UNC5C: variants seen among roughly 807,000 people sequenced by gnomAD.
The protein encoded by UNC5C is netrin receptor UNC5C.
A neutral mutation model predicts 99.8 loss-of-function variants in UNC5C; 47 were observed. That is an observed-to-expected ratio of 0.47 (90% CI 0.37 to 0.60). UNC5C has a LOEUF of 0.60. Among genes scored for constraint, UNC5C ranks in the 20% least tolerant of loss-of-function variants. UNC5C has a pLI of 0.00. For synonymous variants in UNC5C, 487 were observed against 452.2 expected (o/e 1.08, Z -0.98); for missense variants, 1,062 against 1,165.9 (o/e 0.91, Z 1.30).
At chr4:95,469,838 G>A (rs116061037) in intron 1 of UNC5C, among the ~76,000 whole-genome samples, 2,064 of 152,200 alleles carry the variant, frequency 0.014, 58 homozygotes, top group African/African-American at 0.047. Flanking sequence ...CACTTTTACC[G>A]TGGTACACAA....
At chr4:95,197,903 A>G (rs1737494736) in intron 12 of UNC5C, among the ~76,000 whole-genome samples, 1 of 150,094 alleles carries the variant, frequency 6.7e-6, no homozygotes, top group African/African-American at 2.4e-5. Flanking sequence ...TGTGGAAGCG[A>G]GTTTGCTGCC....
chr4:95,251,648 C>G (rs1415443063), intron 4 of UNC5C, among the ~76,000 whole-genome samples: 1 of 152,178 alleles, frequency 6.6e-6, no homozygotes, highest in Non-Finnish European at 1.5e-5. Context: ...CACTTAAACT[C>G]TCCTTTTGCA....
chr4:95,507,879 T>C (rs1721967787), intron 1 of UNC5C, among the ~76,000 whole-genome samples: 1 of 152,052 alleles, frequency 6.6e-6, no homozygotes. Flanking sequence ...CTAAAACGCA[T>C]ACAGGGAACT....
At chr4:95,245,698 TTTGAG>T (rs1160958229) in intron 5 of UNC5C, among the ~76,000 whole-genome samples, 2 of 152,236 alleles carry the variant, frequency 1.3e-5, no homozygotes, top group Non-Finnish European at 1.5e-5. Context: ...TGACTGGCTA[TTTGAG>T]TTACTTGGCG....
intron 12 of UNC5C, among the ~76,000 whole-genome samples, chr4:95,187,133 T>TA (rs1736863908): frequency 6.6e-6 from 1 of 152,186 alleles, no homozygotes; most frequent in South Asian, 2.1e-4. Context: ...GTTAGCATAA[T>TA]AGAGAAAGCT....
chr4:95,400,528 G>T (rs2149448265), intron 1 of UNC5C, among the ~76,000 whole-genome samples: 1 of 151,796 alleles, frequency 6.6e-6, no homozygotes, highest in Non-Finnish European at 1.5e-5. Context: ...GAGTAGCTGG[G>T]ACTACAGGTG....
intron 3 of UNC5C, among the ~76,000 whole-genome samples, chr4:95,290,145 A>T (rs1282185770): frequency 6.6e-6 from 1 of 151,986 alleles, no homozygotes; most frequent in African/African-American, 2.4e-5. Flanking sequence ...ATCTCTACAA[A>T]AAATAGAAAA....
At chr4:95,423,352 G>C (rs916509347) in intron 1 of UNC5C, among the ~76,000 whole-genome samples, 7 of 152,168 alleles carry the variant, frequency 4.6e-5, no homozygotes, top group African/African-American at 1.7e-4. Context: ...CCCACTGGCT[G>C]TTTCTGTATG....
chr4:95,480,130 T>C (rs1397095061), intron 1 of UNC5C, among the ~76,000 whole-genome samples: 1 of 151,516 alleles, frequency 6.6e-6, no homozygotes, highest in Non-Finnish European at 1.5e-5. Flanking sequence ...TTGGGACTTC[T>C]CAGTCTCTAT....
intron 1 of UNC5C, among the ~76,000 whole-genome samples, chr4:95,337,461 T>C (rs185551042): frequency 2.6e-5 from 4 of 152,066 alleles, no homozygotes; most frequent in African/African-American, 9.6e-5. Context: ...GCACTAAAAA[T>C]TGATTACTCT....
intron 1 of UNC5C, among the ~76,000 whole-genome samples, chr4:95,436,840 T>C (rs77663767): frequency 0.04 from 6,154 of 151,964 alleles, 408 homozygotes; most frequent in African/African-American, 0.14. Context: ...TAATGATCTT[T>C]AATGGAATTT....
chr4:95,302,268 G>A (rs918740814), intron 2 of UNC5C, among the ~76,000 whole-genome samples: 1 of 152,132 alleles, frequency 6.6e-6, no homozygotes, highest in African/African-American at 2.4e-5. Flanking sequence ...CAAGCTTCTG[G>A]TATCGTATCC....
In UNC5C at chr4:95,354,479, A is replaced by ATATATATATATATATATTTTT; in HGVS notation, c.125-18849_125-18848insAAAAATATATATATATATATA. ...TTACCTAACTCTTCCATATATATAT[A>ATATATATATATATATATTTTT]TTTTTTTTTTTTTTTTAAGAGACAG... On this transcript the variant is annotated intron_variant, in intron 1 of 15. Transcript: ENST00000453304. 2.5e-3 allele frequency among the ~76,000 whole-genome samples: 272 copies of ATATATATATATATATATTTTT among 110,264 alleles called. 1 individual carries two copies. Among genetic ancestry groups the ATATATATATATATATATTTTT allele is most frequent in the African/African-American group, 7.7e-3 (189 of 24,692 alleles). The allele number at this position is 110,264 out of a possible 152,430, so 72.3% of individuals were successfully genotyped here. A position where few individuals can be genotyped will look rare whatever the true frequency, so the allele number is the denominator to read the frequency against.
At chr4:95,542,056 G>A (rs567351971) in intron 1 of UNC5C, among the ~76,000 whole-genome samples, 1 of 152,140 alleles carries the variant, frequency 6.6e-6, no homozygotes, top group Non-Finnish European at 1.5e-5. Context: ...ACTAGCCACA[G>A]GATCCACATG....
intron 4 of UNC5C, among the ~76,000 whole-genome samples, chr4:95,273,206 T>G (rs920041341): frequency 6.6e-6 from 1 of 152,220 alleles, no homozygotes; most frequent in Non-Finnish European, 1.5e-5. Flanking sequence ...AGTTGAACAT[T>G]GTGCCCTGTT....
intron 7 of UNC5C, among the ~76,000 whole-genome samples, chr4:95,235,259 G>A (rs193153456): frequency 3.1e-4 from 47 of 152,268 alleles, no homozygotes; most frequent in Non-Finnish European, 5.9e-5. Context: ...TTTAAAAAAT[G>A]TCATTTATTA....
chr4:95,218,225 C>T (rs560019131), intron 9 of UNC5C, among the ~76,000 whole-genome samples: 8 of 152,284 alleles, frequency 5.3e-5, no homozygotes, highest in African/African-American at 1.9e-4. Context: ...GCCATTAACC[C>T]TTTTATGACC....
chr4:95,356,209 A>C (rs868426131), intron 1 of UNC5C, among the ~76,000 whole-genome samples: 1,243 of 106,792 alleles, frequency 0.012, 28 homozygotes, highest in South Asian at 0.033. Flanking sequence ...AAAAAAAAAA[A>C]AAACAAAACA....
rs1476611243 is a variant in UNC5C, at chr4:95,219,201, C to T, written c.1413G>A (p.Leu471=). 4 of 1,613,972 alleles carry T rather than the reference C, an allele frequency of 2.5e-6. No homozygotes were observed. Among genetic ancestry groups the T allele is most frequent in the Non-Finnish European group, 3.4e-6 (4 of 1,180,026 alleles). Residue 471 remains leucine (L), a synonymous_variant, in exon 9 of 16, where the codon CTG becomes CTA. Coordinates refer to ENST00000453304, the MANE Select transcript of UNC5C (RefSeq NM_003728.4). ...DKIPMTNSPI[L]DPLPNLKIKV... The stretch of plus-strand genomic sequence containing the variant: ...TGATTTTCAGGTTGGGCAGTGGATC[C>T]AGAATTGGAGAGTTGGTCATTGGGA...
Sources: gnomAD v4.1 joint callset for allele counts (sites outside exome capture counted in the v4.1 genomes callset) on GRCh38, gnomAD v4.1.1 for gene constraint, MANE v1.5 for transcripts, NCBI Gene and HGNC (gene_info 2026-07-23, HGNC 2026-07-21) for gene names.